The following OPCML variants were observed in gnomAD, a reference collection of about 807,000 sequenced individuals.
The protein encoded by OPCML is opioid-binding protein/cell adhesion molecule.
In OPCML, 13 loss-of-function variants were observed where a neutral mutation model predicts 37.8. That is an observed-to-expected ratio of 0.34 (90% CI 0.22 to 0.55). The LOEUF (loss-of-function observed/expected upper bound fraction) is 0.55, where lower values mean the gene tolerates loss of function less well. OPCML is among the 20% of genes least tolerant of loss of function. The probability of loss-of-function intolerance (pLI) is 0.91; values close to 1 mark genes in which losing one functional copy is unlikely to be tolerated. For synonymous variants in OPCML, 176 were observed against 168.8 expected (o/e 1.04, Z -0.33); for missense variants, 341 against 435.6 (o/e 0.78, Z 1.93).
intron 1 of OPCML, among the ~76,000 whole-genome samples, chr11:133,081,023 C>T (rs1032186418): frequency 5.9e-5 from 9 of 151,994 alleles, no homozygotes; most frequent in Non-Finnish European, 1.2e-4. Context: ...GGACCAGTTT[C>T]AACATTATAT....
intron 3 of OPCML, among the ~76,000 whole-genome samples, chr11:132,599,507 A>G (rs1484232907): frequency 6.6e-6 from 1 of 152,114 alleles, no homozygotes; most frequent in African/African-American, 2.4e-5. Context: ...AACCTAAGCC[A>G]AGCATAAACC....
At chr11:132,494,528 CA>C (rs1248461164) in intron 4 of OPCML, among the ~76,000 whole-genome samples, 7 of 152,114 alleles carry the variant, frequency 4.6e-5, no homozygotes, top group Admixed American at 4.6e-4. Flanking sequence ...TTGATGTCTA[CA>C]AAACCCTAAT....
intron 1 of OPCML, among the ~76,000 whole-genome samples, chr11:132,974,994 CT>C (rs1263258037): frequency 6.6e-6 from 1 of 151,788 alleles, no homozygotes. Context: ...ACTAATCAGT[CT>C]CTTAAGTCTG....
chr11:132,867,568 C>T (rs1251404396), intron 2 of OPCML, among the ~76,000 whole-genome samples: 1 of 152,176 alleles, frequency 6.6e-6, no homozygotes, highest in African/African-American at 2.4e-5. Context: ...ATGGAAGTAG[C>T]TGAAAATAGA....
chr11:133,217,284 A>C (rs1400207179), intron 1 of OPCML, among the ~76,000 whole-genome samples: 1 of 152,144 alleles, frequency 6.6e-6, no homozygotes, highest in Non-Finnish European at 1.5e-5. Context: ...CCACTGGCAC[A>C]CCCTTGTTTT....
At chr11:133,094,263 A>G (rs1341836224) in intron 1 of OPCML, among the ~76,000 whole-genome samples, 3 of 152,230 alleles carry the variant, frequency 2.0e-5, no homozygotes, top group Non-Finnish European at 4.4e-5. Flanking sequence ...TCACAGTAAA[A>G]TATTTAACAC....
At chr11:132,824,326 T>C (rs977396092) in intron 2 of OPCML, among the ~76,000 whole-genome samples, 6 of 152,184 alleles carry the variant, frequency 3.9e-5, no homozygotes, top group Non-Finnish European at 7.3e-5. Context: ...ATCCAATTCA[T>C]TAGTTTTCTC....
At chr11:132,621,462 G>A (rs957233991) in intron 3 of OPCML, among the ~76,000 whole-genome samples, 2 of 152,106 alleles carry the variant, frequency 1.3e-5, no homozygotes, top group Non-Finnish European at 2.9e-5. Context: ...AAGCTACTCA[G>A]CAATTAAAAA....
chr11:132,582,154 CAGAG>C (rs1440839686), intron 3 of OPCML, among the ~76,000 whole-genome samples: 55 of 126,384 alleles, frequency 4.4e-4, no homozygotes, highest in Non-Finnish European at 7.9e-4. Context: ...GTGTGTGAAA[CAGAG>C]AGAGAGAGTG....
At chr11:132,529,499 A>T (rs1306669611) in intron 3 of OPCML, among the ~76,000 whole-genome samples, 1 of 152,150 alleles carries the variant, frequency 6.6e-6, no homozygotes, top group African/African-American at 2.4e-5. Context: ...AAGCCTTCCA[A>T]GAGCTCCTGT....
intron 1 of OPCML, among the ~76,000 whole-genome samples, chr11:133,242,679 C>T (rs192330107): frequency 6.6e-6 from 1 of 152,242 alleles, no homozygotes; most frequent in Admixed American, 6.5e-5. Flanking sequence ...CAAATACTGT[C>T]ACATTCTGAG....
chr11:133,236,347 C>T (rs1359399547), intron 1 of OPCML, among the ~76,000 whole-genome samples: 1 of 152,120 alleles, frequency 6.6e-6, no homozygotes, highest in Non-Finnish European at 1.5e-5. Flanking sequence ...CGTAGAATCG[C>T]ACAAAATTTT....
chr11:132,762,314 T>A (rs1025774236), intron 2 of OPCML, among the ~76,000 whole-genome samples: 9 of 152,240 alleles, frequency 5.9e-5, no homozygotes, highest in African/African-American at 2.2e-4. Flanking sequence ...AGGGGCAGTC[T>A]GTCCCTTAGC....
chr11:133,320,256 A>G (rs1943298271), intron 1 of OPCML, among the ~76,000 whole-genome samples: 1 of 152,250 alleles, frequency 6.6e-6, no homozygotes, highest in African/African-American at 2.4e-5. Flanking sequence ...CAGAATTTGT[A>G]CTATTTCCTT....
At chr11:133,385,245 A>G (rs981365942) in intron 1 of OPCML, among the ~76,000 whole-genome samples, 1 of 152,144 alleles carries the variant, frequency 6.6e-6, no homozygotes, top group African/African-American at 2.4e-5. Flanking sequence ...GATGGCTGCA[A>G]TCCCTGCTGG....
At chr11:133,112,285 CAAA>C (rs370146450) in intron 1 of OPCML, among the ~76,000 whole-genome samples, 2 of 49,136 alleles carry the variant, frequency 4.1e-5, no homozygotes, top group Non-Finnish European at 8.0e-5. Flanking sequence ...GACTCTTGGC[CAAA>C]AAAAAAAAAA....
At chr11:133,190,950 A>G (rs1381810563) in intron 1 of OPCML, among the ~76,000 whole-genome samples, 1 of 151,018 alleles carries the variant, frequency 6.6e-6, no homozygotes, top group African/African-American at 2.4e-5. Flanking sequence ...TGCTATAAAT[A>G]TTTATGTGAA....
chr11:132,693,914 T>C (rs1426794571), intron 2 of OPCML, among the ~76,000 whole-genome samples: 1 of 152,138 alleles, frequency 6.6e-6, no homozygotes, highest in Admixed American at 6.5e-5. Context: ...AAATAGGAGT[T>C]ATGTGACCCA....
chr11:132,839,057 G>T lies in OPCML; in HGVS notation c.146+103869C>A, dbSNP rs145044693. Among the ~76,000 whole-genome samples, 102 of 152,324 alleles carry T rather than the reference G, an allele frequency of 6.7e-4. 1 individual carries two copies. Among genetic ancestry groups the T allele is most frequent in the African/African-American group, 2.4e-3 (99 of 41,576 alleles). On this transcript the variant is annotated intron_variant, in intron 2 of 7. Coordinates refer to ENST00000524381, the MANE Select transcript of OPCML (RefSeq NM_001012393.5). ...AACTGGCCTCGGGAGGAAACAAGGG[G>T]CATGAGCTGTTTAGCCTCCCAAACA... is the stretch of plus-strand genomic sequence containing the variant.
Sources: allele counts gnomAD v4.1 joint callset (sites outside exome capture counted in the v4.1 genomes callset), GRCh38; gene constraint gnomAD v4.1.1; transcripts MANE v1.5; gene names NCBI Gene and HGNC (gene_info 2026-07-23, HGNC 2026-07-21).